The following EDIL3 variants were observed in gnomAD, a reference collection of about 807,000 sequenced individuals.
EDIL3 encodes EGF like and discoidin domains 3, also known as EGF-like repeat and discoidin I-like domain-containing protein 3.
In EDIL3, 37 loss-of-function variants were observed where a neutral mutation model predicts 67.4. The ratio of observed to expected loss-of-function variants is 0.55; its 90% CI spans 0.42 to 0.72. The LOEUF is 0.72. Ranked by LOEUF, EDIL3 falls within the 30% of genes least tolerant of loss-of-function variation. EDIL3 has a pLI of 0.00. For missense variants in EDIL3, 527 were observed against 586.3 expected (o/e 0.90, Z 1.04); for synonymous variants, 195 against 196.3 (o/e 0.99, Z 0.05).
intron 4 of EDIL3, among the ~76,000 whole-genome samples, chr5:84,140,977 G>A (rs1333015760): frequency 6.6e-6 from 1 of 151,958 alleles, no homozygotes; most frequent in Non-Finnish European, 1.5e-5. Flanking sequence ...ACCTCAATTT[G>A]TATAAATCAT....
At chr5:84,143,140 G>C (rs1748233661) in intron 4 of EDIL3, among the ~76,000 whole-genome samples, 1 of 151,850 alleles carries the variant, frequency 6.6e-6, no homozygotes, top group Non-Finnish European at 1.5e-5. Context: ...TGAATTTCTA[G>C]GAATTTGATT....
At chr5:84,008,948 G>A (rs1235199610) in intron 9 of EDIL3, among the ~76,000 whole-genome samples, 1 of 152,106 alleles carries the variant, frequency 6.6e-6, no homozygotes, top group Non-Finnish European at 1.5e-5. Context: ...GAGTAGCTGG[G>A]ATTACAGGTA....
chr5:84,215,513 A>G (rs1744211065), intron 3 of EDIL3, among the ~76,000 whole-genome samples: 1 of 152,210 alleles, frequency 6.6e-6, no homozygotes, highest in African/African-American at 2.4e-5. Flanking sequence ...GGGCCTCCCA[A>G]AGTGCTGGGA....
chr5:83,972,731 C>T (rs923482438), intron 9 of EDIL3, among the ~76,000 whole-genome samples: 4 of 151,974 alleles, frequency 2.6e-5, no homozygotes, highest in Admixed American at 2.6e-4. Context: ...AAGATAAAAA[C>T]AGCCAAAATT....
chr5:84,239,525 T>C (rs932749494), intron 2 of EDIL3, among the ~76,000 whole-genome samples: 1 of 152,152 alleles, frequency 6.6e-6, no homozygotes, highest in Non-Finnish European at 1.5e-5. Flanking sequence ...TGCCAGCACA[T>C]GTATGTTTAT....
In EDIL3 at chr5:84,209,068, C is replaced by T. The variant is rs1341348741; in HGVS notation, c.226+20787G>A. Among the ~76,000 whole-genome samples the T allele has an allele frequency of 3.9e-5, 6 of 152,230 alleles. No individual in the cohort carries two copies. The South Asian group carries it at 1.2e-3, about 32-fold the overall frequency. ...CCATAAAAAATGATGAGCTCATGTC[C>T]TTTGTAGGGACATGGATGAAATTGG... On this transcript the variant is annotated intron_variant, in intron 3 of 10. Transcript: ENST00000296591.
rs1745539305 is a variant in EDIL3 at position 84,274,744 on chromosome 5, CA to C, written c.68-20533del. ...AAAAACAGTGATAACTACACACATACACACACACACAGACACACACAGACAC... is the reference window on the plus strand; with the variant it reads ...AAAAACAGTGATAACTACACACATACCACACACACAGACACACACAGACAC... On this transcript the variant is annotated intron_variant, in intron 1 of 10. Coordinates refer to ENST00000296591, the MANE Select transcript of EDIL3 (RefSeq NM_005711.5). 7.3e-5 allele frequency among the ~76,000 whole-genome samples: 11 copies of C among 150,154 alleles called. No homozygotes were observed. The South Asian group carries it at 2.3e-3, about 32-fold the overall frequency.
At chr5:84,299,288 T>C (rs887970279) in intron 1 of EDIL3, among the ~76,000 whole-genome samples, 22 of 152,304 alleles carry the variant, frequency 1.4e-4, no homozygotes, top group African/African-American at 5.3e-4. Context: ...GAACTGGAAG[T>C]ACCTAAAGAG....
At chr5:84,130,322 G>A (rs1033909632) in intron 5 of EDIL3, among the ~76,000 whole-genome samples, 43 of 152,050 alleles carry the variant, frequency 2.8e-4, no homozygotes, top group Middle Eastern at 3.4e-3. Context: ...TTGTTGTCCC[G>A]GCTTTAGAGG....
intron 4 of EDIL3, among the ~76,000 whole-genome samples, chr5:84,153,253 C>A (rs1748429452): frequency 6.6e-6 from 1 of 152,132 alleles, no homozygotes; most frequent in Admixed American, 6.6e-5. Flanking sequence ...CAACACCCTT[C>A]ATATCTCTTT....
At chr5:84,052,948 C>A (rs1580301306) in intron 9 of EDIL3, among the ~76,000 whole-genome samples, 1 of 152,166 alleles carries the variant, frequency 6.6e-6, no homozygotes, top group South Asian at 2.1e-4. Context: ...CAGCTCTGCA[C>A]CAAGTGGACC....
At chr5:84,138,848 G>GA (rs1748138462) in intron 4 of EDIL3, among the ~76,000 whole-genome samples, 1 of 151,998 alleles carries the variant, frequency 6.6e-6, no homozygotes, top group African/African-American at 2.4e-5. Flanking sequence ...ACTGTGTTCA[G>GA]AAAAAATAAA....
intron 10 of EDIL3, among the ~76,000 whole-genome samples, chr5:83,953,826 T>A (rs1744461020): frequency 1.3e-5 from 2 of 151,746 alleles, no homozygotes; most frequent in Admixed American, 1.3e-4. Flanking sequence ...GTAATAAGTG[T>A]CCCCACACGG....
intron 1 of EDIL3, among the ~76,000 whole-genome samples, chr5:84,262,659 GTTTTTTTT>G (rs773035274): frequency 2.6e-4 from 12 of 46,316 alleles, no homozygotes; most frequent in Admixed American, 1.3e-3. Context: ...AGGTTGGTTG[GTTTTTTTT>G]TTTTTTTTTT....
intron 3 of EDIL3, among the ~76,000 whole-genome samples, chr5:84,201,955 A>G (rs1219935366): frequency 6.6e-6 from 1 of 152,158 alleles, no homozygotes; most frequent in African/African-American, 2.4e-5. Context: ...TAGAATTAAA[A>G]TAAAAAATTG....
intron 1 of EDIL3, among the ~76,000 whole-genome samples, chr5:84,289,285 G>A (rs566365885): frequency 1.4e-4 from 21 of 152,172 alleles, no homozygotes; most frequent in African/African-American, 4.8e-4. Context: ...ATAACAATAA[G>A]AGTGTTTGTT....
intron 1 of EDIL3, among the ~76,000 whole-genome samples, chr5:84,378,151 A>G (rs1468377564): frequency 6.6e-6 from 1 of 152,218 alleles, no homozygotes; most frequent in Non-Finnish European, 1.5e-5. Flanking sequence ...CAACGGGAAA[A>G]GTCTTAAATA....
At chr5:84,364,010 G>A (rs184478571) in intron 1 of EDIL3, among the ~76,000 whole-genome samples, 25 of 152,198 alleles carry the variant, frequency 1.6e-4, no homozygotes, top group South Asian at 2.1e-4. Context: ...GTCATCAAGC[G>A]TTTTCATGAC....
chr5:84,218,920 G>C (rs1744284890), intron 3 of EDIL3, among the ~76,000 whole-genome samples: 1 of 152,198 alleles, frequency 6.6e-6, no homozygotes, highest in South Asian at 2.1e-4. Flanking sequence ...TCGGGACCAG[G>C]AGGGAATTTG....
Sources: gnomAD v4.1 joint callset for allele counts (sites outside exome capture counted in the v4.1 genomes callset) on GRCh38, gnomAD v4.1.1 for gene constraint, MANE v1.5 for transcripts, NCBI Gene and HGNC (gene_info 2026-07-23, HGNC 2026-07-21) for gene names.